The following LVRN variants were observed in gnomAD, a reference collection of about 807,000 sequenced individuals.
LVRN encodes laeverin.
Under a neutral mutation model 111.4 loss-of-function variants are expected in LVRN, and 99 were observed. The observed-to-expected ratio is 0.89, with a 90% confidence interval of 0.76 to 1.05. The LOEUF (loss-of-function observed/expected upper bound fraction) is 1.05, where lower values mean the gene tolerates loss of function less well. Ranked by LOEUF, LVRN falls within the 50% of genes least tolerant of loss-of-function variation. The pLI is 0.00. For synonymous variants in LVRN, 488 were observed against 449.5 expected (o/e 1.09, Z -1.08); for missense variants, 1,414 against 1,206.8 (o/e 1.17, Z -2.54).
Position 116,010,839 on chromosome 5 carries a change from T to TTTACC in LVRN, c.2192_2193insTTACC (p.Thr732TyrfsTer10). 1 of 1,611,992 alleles carries TTTACC rather than the reference T, an allele frequency of 6.2e-7. No individual in the cohort carries two copies. Among genetic ancestry groups the TTTACC allele is most frequent in the Non-Finnish European group, 8.5e-7 (1 of 1,178,944 alleles). ...TGGCATACAGTCTTGGTAAACTTGG[T>TTTACC]AACCAGGGATCTTGTTTCTGAGGTG... On this transcript the variant is annotated frameshift_variant, in exon 14 of 20. Transcript: ENST00000357872. LOFTEE classifies it high-confidence loss of function.
chr5:115,975,434 T>C (rs1397272547), intron 1 of LVRN: 1 of 188,662 alleles, frequency 5.3e-6, no homozygotes, highest in Non-Finnish European at 1.1e-5. Context: ...ATTGCATCAC[T>C]CAGCTTCCAC....
chr5:116,000,804 T>C (rs1748222067), intron 9 of LVRN, 146 bp downstream of exon 9: 1 of 865,792 alleles, frequency 1.2e-6, no homozygotes, highest in Non-Finnish European at 1.8e-6. Context: ...GTAGTGTCTT[T>C]AGTCTTCACT....
At chr5:116,005,698 A>G (rs568287398) in intron 12 of LVRN, 45 of 619,042 alleles carry the variant, frequency 7.3e-5, no homozygotes, top group African/African-American at 4.6e-4. Context: ...AAACCTTATG[A>G]TTGATGTCCA....
At chr5:116,021,692 C>A (rs189832204) in intron 18 of LVRN, 2 of 450,200 alleles carry the variant, frequency 4.4e-6, no homozygotes. Context: ...ATTTTTCTTT[C>A]CTTTTTAATG....
At chr5:115,982,276 A>G (rs1753575555) in intron 1 of LVRN, among the ~76,000 whole-genome samples, 1 of 152,206 alleles carries the variant, frequency 6.6e-6, no homozygotes, top group Admixed American at 6.5e-5. Flanking sequence ...CAGCAGCCTT[A>G]TGATGGTGAA....
intron 6 of LVRN, among the ~76,000 whole-genome samples, chr5:115,994,928 C>A (rs1748073435): frequency 6.6e-6 from 1 of 152,172 alleles, no homozygotes; most frequent in South Asian, 2.1e-4. Context: ...CCCCTCCTCT[C>A]TTCTGTCTCC....
At chr5:115,986,061 ATAT>A (rs1408285661) in intron 3 of LVRN, among the ~76,000 whole-genome samples, 1 of 152,226 alleles carries the variant, frequency 6.6e-6, no homozygotes, top group East Asian at 1.9e-4. Context: ...TGAATTAGTA[ATAT>A]TGTGTTGGCT....
intron 6 of LVRN, 122 bp from the exon 7 acceptor site, chr5:115,999,640 C>T: frequency 1.9e-6 from 2 of 1,049,650 alleles, no homozygotes; most frequent in East Asian, 2.5e-5. Context: ...CTCAAAGACA[C>T]TTCTCAATTA....
intron 1 of LVRN, among the ~76,000 whole-genome samples, chr5:115,978,351 C>T (rs1753490323): frequency 6.6e-6 from 1 of 152,280 alleles, no homozygotes; most frequent in Admixed American, 6.5e-5. Flanking sequence ...GATTCAGATC[C>T]TGTGTCTTTT....
chr5:115,994,562 C>T (rs536365162), intron 6 of LVRN, among the ~76,000 whole-genome samples: 32 of 152,262 alleles, frequency 2.1e-4, no homozygotes, highest in African/African-American at 7.0e-4. Context: ...CGTGAGCTAC[C>T]GCGCCCAACC....
intron 19 of LVRN, among the ~76,000 whole-genome samples, chr5:116,024,663 T>C (rs1441845695): frequency 6.6e-6 from 1 of 152,216 alleles, no homozygotes; most frequent in Admixed American, 6.5e-5. Flanking sequence ...CAGTGAAGTT[T>C]TGTTGTTAAT....
chr5:115,986,194 C>T (rs528537790), intron 3 of LVRN, among the ~76,000 whole-genome samples: 1 of 152,330 alleles, frequency 6.6e-6, no homozygotes, highest in African/African-American at 2.4e-5. Context: ...TGAATAATTA[C>T]TAGTAGAACC....
chr5:116,013,748 C>T (rs1214431295), intron 15 of LVRN, among the ~76,000 whole-genome samples: 3 of 152,166 alleles, frequency 2.0e-5, no homozygotes, highest in South Asian at 2.1e-4. Flanking sequence ...TTACCCTGAC[C>T]GCAAATCTGG....
At chr5:116,017,347 T>A (rs13165883) in intron 18 of LVRN, among the ~76,000 whole-genome samples, 19,221 of 152,252 alleles carry the variant, frequency 0.13, 1,356 homozygotes, top group Non-Finnish European at 0.15. Context: ...ATTGGTGATG[T>A]CTTGTTTCTA....
intron 6 of LVRN, among the ~76,000 whole-genome samples, chr5:115,997,931 T>C (rs1262553103): frequency 6.6e-6 from 1 of 152,212 alleles, no homozygotes; most frequent in Non-Finnish European, 1.5e-5. Context: ...TCAATTACCT[T>C]GTATGGTTAT....
At chr5:115,983,510 G>T in intron 2 of LVRN, 81 bp downstream of exon 2, 1 of 1,448,424 alleles carries the variant, frequency 6.9e-7, no homozygotes, top group Non-Finnish European at 9.2e-7. Flanking sequence ...GCTTTTCTAG[G>T]CAGTGTATTA....
intron 19 of LVRN, 74 bp downstream of exon 19, chr5:116,022,540 A>T: frequency 1.1e-6 from 1 of 944,730 alleles, no homozygotes; most frequent in Non-Finnish European, 1.7e-6. Context: ...ACTTGCTAAA[A>T]TTAAAAATAA....
chr5:116,020,733 C>G (rs748113166), intron 18 of LVRN, among the ~76,000 whole-genome samples: 5 of 152,156 alleles, frequency 3.3e-5, no homozygotes, highest in Non-Finnish European at 5.9e-5. Flanking sequence ...TGTTCCCATG[C>G]TGGCCTCGTG....
intron 6 of LVRN, 63 bp downstream of exon 6, chr5:115,993,917 A>G (rs1341800517): frequency 5.4e-6 from 5 of 928,490 alleles, no homozygotes; most frequent in Non-Finnish European, 1.6e-6. Context: ...ATGCATATTC[A>G]TTCTTGAAAA....
Sources: allele counts gnomAD v4.1 joint callset (sites outside exome capture counted in the v4.1 genomes callset), GRCh38; gene constraint gnomAD v4.1.1; transcripts MANE v1.5; gene names NCBI Gene and HGNC (gene_info 2026-07-23, HGNC 2026-07-21).